MSRA: variants seen among roughly 807,000 people sequenced by gnomAD.
MSRA encodes the protein mitochondrial peptide methionine sulfoxide reductase.
MSRA carries 54 observed loss-of-function variants against 31.3 expected under a neutral mutation model. That is an observed-to-expected ratio of 1.73 (90% CI 1.39 to 2.17). The LOEUF is 2.17. Ranked by LOEUF, MSRA falls within the 30% of genes most tolerant of loss-of-function variation. The probability of loss-of-function intolerance (pLI) is 0.00; values close to 1 mark genes in which losing one functional copy is unlikely to be tolerated. For missense variants in MSRA, 507 were observed against 300.9 expected, an observed-to-expected ratio of 1.69 and a Z score of -5.07; for synonymous variants, 169 against 116.5, an observed-to-expected ratio of 1.45 and a Z score of -2.90.
intron 5 of MSRA, among the ~76,000 whole-genome samples, chr8:10,390,082 G>C (rs1806645379): frequency 6.6e-6 from 1 of 152,190 alleles, no homozygotes; most frequent in Admixed American, 6.5e-5. Context: ...GTGCAGCACT[G>C]TTGCCACCTG....
chr8:10,342,598 T>G (rs193070352), intron 5 of MSRA, among the ~76,000 whole-genome samples: 303 of 152,168 alleles, frequency 2.0e-3, no homozygotes, highest in Middle Eastern at 3.4e-3. Flanking sequence ...AGCACAGAAG[T>G]CAAATCTGAG....
chr8:10,337,970 G>C, intron 5 of MSRA: 1 of 613,592 alleles, frequency 1.6e-6, no homozygotes, highest in Non-Finnish European at 2.9e-6. Context: ...GGTGGCCCAG[G>C]AAAGCAGGGG....
chr8:10,307,853 G>T (rs1220009561), intron 4 of MSRA, among the ~76,000 whole-genome samples: 1 of 152,206 alleles, frequency 6.6e-6, no homozygotes, highest in Non-Finnish European at 1.5e-5. Context: ...ATTTTAGCTG[G>T]TGTGCAGCCA....
intron 4 of MSRA, among the ~76,000 whole-genome samples, chr8:10,308,467 T>C (rs943226046): frequency 6.6e-6 from 1 of 152,214 alleles, no homozygotes; most frequent in Non-Finnish European, 1.5e-5. Flanking sequence ...CTAACTGGCC[T>C]GTCTCACCCT....
intron 5 of MSRA, among the ~76,000 whole-genome samples, chr8:10,329,054 G>A (rs1585487441): frequency 6.6e-6 from 1 of 152,164 alleles, no homozygotes; most frequent in Non-Finnish European, 1.5e-5. Flanking sequence ...TATTATGATC[G>A]TACAACATTA....
intron 4 of MSRA, among the ~76,000 whole-genome samples, chr8:10,304,104 T>G (rs1417747538): frequency 2.0e-5 from 3 of 152,130 alleles, no homozygotes; most frequent in Non-Finnish European, 2.9e-5. Flanking sequence ...CCTGGCTAAT[T>G]TTTCATGTTT....
chr8:10,168,600 T>C (rs1805342344), intron 1 of MSRA, among the ~76,000 whole-genome samples: 1 of 152,244 alleles, frequency 6.6e-6, no homozygotes, highest in Admixed American at 6.5e-5. Flanking sequence ...TGAGTTGTAG[T>C]CTATTTTACA....
At chr8:10,219,242 C>G (rs1328844595) in intron 2 of MSRA, among the ~76,000 whole-genome samples, 1 of 152,188 alleles carries the variant, frequency 6.6e-6, no homozygotes, top group Non-Finnish European at 1.5e-5. Flanking sequence ...TTTTTCACGC[C>G]TCTGCTTAAT....
At position 10,200,885 on chromosome 8, in the gene MSRA, A is replaced by G. The variant is rs78839168; in HGVS notation, c.143-6948A>G. On this transcript the variant is annotated intron_variant, in intron 1 of 5. Coordinates refer to ENST00000317173, the MANE Select transcript of MSRA (RefSeq NM_012331.5). ...TTTGAGTGACAGCCACCTCATCCTT[A>G]GCATCTGCGGAGAGGACCTGGGCAG... Among the ~76,000 whole-genome samples, 84 of 152,190 alleles carry G rather than the reference A, an allele frequency of 5.5e-4. 1 individual carries two copies. In the East Asian group the frequency reaches 0.015, roughly 28 times the overall value.
At chr8:10,062,390 C>G (rs752746759) in intron 1 of MSRA, among the ~76,000 whole-genome samples, 2 of 152,190 alleles carry the variant, frequency 1.3e-5, no homozygotes, top group Non-Finnish European at 2.9e-5. Context: ...TCTTATCTTC[C>G]TCACATCATA....
At chr8:10,217,637 A>G (rs1401443513) in intron 2 of MSRA, among the ~76,000 whole-genome samples, 1 of 152,090 alleles carries the variant, frequency 6.6e-6, no homozygotes, top group African/African-American at 2.4e-5. Flanking sequence ...CCTTGTCTAC[A>G]TCCCCACTCC....
chr8:10,279,623 A>T (rs1400218482), intron 3 of MSRA, among the ~76,000 whole-genome samples: 3 of 152,172 alleles, frequency 2.0e-5, no homozygotes, highest in Non-Finnish European at 4.4e-5. Context: ...AATGCACAAA[A>T]TTGCCATTTA....
chr8:10,170,122 G>A (rs149956313), intron 1 of MSRA, among the ~76,000 whole-genome samples: 3,312 of 149,542 alleles, frequency 0.022, 118 homozygotes, highest in African/African-American at 0.077. Context: ...CTGACCTCAG[G>A]TGATCTGCCC....
intron 1 of MSRA, among the ~76,000 whole-genome samples, chr8:10,158,745 T>C (rs1804389375): frequency 6.6e-6 from 1 of 152,334 alleles, no homozygotes; most frequent in Admixed American, 6.5e-5. Context: ...TAGATATGTA[T>C]CTAGGAATGG....
chr8:10,330,204 T>TACACACACACACACAC (rs149601196), intron 5 of MSRA, among the ~76,000 whole-genome samples: 3 of 107,898 alleles, frequency 2.8e-5, no homozygotes, highest in African/African-American at 1.0e-4. Flanking sequence ...TTAAATGTGA[T>TACACACACACACACAC]ATACACACAC....
intron 3 of MSRA, among the ~76,000 whole-genome samples, chr8:10,293,241 A>G (rs1249946712): frequency 6.6e-6 from 1 of 152,160 alleles, no homozygotes; most frequent in Non-Finnish European, 1.5e-5. Flanking sequence ...CGCCATCCCT[A>G]TGATGGGCCA....
At chr8:10,417,260 G>A (rs1343840094) in intron 5 of MSRA, among the ~76,000 whole-genome samples, 2 of 152,118 alleles carry the variant, frequency 1.3e-5, no homozygotes, top group Admixed American at 6.5e-5. Flanking sequence ...CGCGCTCCTT[G>A]TCATTGTCAC....
chr8:10,177,682 C>A (rs1370800791), intron 1 of MSRA, among the ~76,000 whole-genome samples: 1 of 152,176 alleles, frequency 6.6e-6, no homozygotes, highest in Admixed American at 6.5e-5. Flanking sequence ...TCACAAAGTT[C>A]TCAGCTTACA....
intron 1 of MSRA, among the ~76,000 whole-genome samples, chr8:10,105,026 T>C (rs2099203412): frequency 1.3e-5 from 2 of 152,354 alleles, no homozygotes; most frequent in South Asian, 4.1e-4. Context: ...GTATAGCTGA[T>C]TACTTAGTGA....
Sources: allele counts gnomAD v4.1 joint callset (sites outside exome capture counted in the v4.1 genomes callset), GRCh38; gene constraint gnomAD v4.1.1; transcripts MANE v1.5; gene names NCBI Gene and HGNC (gene_info 2026-07-23, HGNC 2026-07-21).